Variants in CELSR1 observed in about 807,000 individuals in gnomAD.
CELSR1 encodes the protein cadherin EGF LAG seven-pass G-type receptor 1, also known as adhesion G protein-coupled receptor C1.
Under a neutral mutation model 249.1 loss-of-function variants are expected in CELSR1, and 110 were observed. The ratio of observed to expected loss-of-function variants is 0.44; its 90% CI spans 0.38 to 0.52. The LOEUF is 0.52. Ranked by LOEUF, CELSR1 falls within the 20% of genes least tolerant of loss-of-function variation. The pLI, the probability that CELSR1 is intolerant of heterozygous loss-of-function variation, is 0.00. For synonymous variants in CELSR1, 2,113 were observed against 1,900.0 expected (o/e 1.11, Z -2.92); for missense variants, 4,109 against 4,296.4 (o/e 0.96, Z 1.22).
At position 46,504,504 on chromosome 22, in the gene CELSR1, C is replaced by CAA. The variant is rs11341314; in HGVS notation, c.3544+29121_3544+29122dup. 3.0e-3 allele frequency among the ~76,000 whole-genome samples: 328 copies of CAA among 109,198 alleles called. 3 individuals carry two copies. The highest frequency in any genetic ancestry group is 4.9e-3 in the African/African-American group (137 of 28,074). The allele number at this position is 109,198 out of a possible 152,430, so 71.6% of individuals were successfully genotyped here. A position where few individuals can be genotyped will look rare whatever the true frequency, so the allele number is the denominator to read the frequency against. On this transcript the variant is annotated intron_variant, in intron 1 of 34. Transcript: ENST00000674500. ...ATCCCAGCCTGGCGACATCTGTCTC[C>CAA]AAAAAAAAAAAAAAAACAAAAAAAA... is the stretch of plus-strand genomic sequence containing the variant.
At chr22:46,516,400 T>C (rs1289623477) in intron 1 of CELSR1, among the ~76,000 whole-genome samples, 2 of 151,722 alleles carry the variant, frequency 1.3e-5, no homozygotes, top group African/African-American at 2.4e-5. Flanking sequence ...AGGTGGGAAC[T>C]GAACAATGAG....
At chr22:46,461,054 A>G (rs539694051) in intron 2 of CELSR1, among the ~76,000 whole-genome samples, 1 of 152,288 alleles carries the variant, frequency 6.6e-6, no homozygotes, top group Admixed American at 6.5e-5. Context: ...TCGGCTTACC[A>G]GGGAGCAAGT....
intron 1 of CELSR1, among the ~76,000 whole-genome samples, chr22:46,508,198 C>T (rs2080535046): frequency 6.6e-6 from 1 of 152,012 alleles, no homozygotes; most frequent in Admixed American, 6.5e-5. Context: ...ACTCTCGCCA[C>T]TCTCGCCCTG....
chr22:46,516,752 C>T lies in CELSR1; in HGVS notation c.3544+16875G>A, dbSNP rs111708380. Among the ~76,000 whole-genome samples, 1,047 of 152,252 alleles carry T rather than the reference C, an allele frequency of 6.9e-3. 8 individuals carry two copies. Among genetic ancestry groups the T allele is most frequent in the Non-Finnish European group, 0.013 (851 of 67,998 alleles). On this transcript the variant is annotated intron_variant, in intron 1 of 34. Transcript: ENST00000674500. The stretch of plus-strand genomic sequence containing the variant: ...GCCCAACGGACCACAAAGTCCATTC[C>T]CTCCACTTCTCACCCAGGCACACGA...
rs147425309 is a variant in CELSR1 at position 46,386,451 on chromosome 22, G to A, written c.6690C>T (p.Asn2230=). ...LEGYFSNVAR[N]VRRTYLRPFV... ...AGGGCCGCAGGTACGTCCGCCGCACGTTGCGTGCCACGTTGCTGAAGTAGC... is the reference window on the plus strand; with the variant it reads ...AGGGCCGCAGGTACGTCCGCCGCACATTGCGTGCCACGTTGCTGAAGTAGC... The change falls in exon 19 of 35, where the codon AAC becomes AAT. Residue 2230 remains asparagine (N), a synonymous_variant. Transcript: ENST00000674500. 119 of 1,601,830 alleles carry A rather than the reference G, an allele frequency of 7.4e-5. No homozygotes were observed. Among genetic ancestry groups the A allele is most frequent in the Middle Eastern group, 1.9e-4 (1 of 5,358 alleles).
intron 1 of CELSR1, among the ~76,000 whole-genome samples, chr22:46,513,138 C>T (rs994765545): frequency 2.6e-5 from 4 of 152,126 alleles, no homozygotes; most frequent in Admixed American, 6.6e-5. Flanking sequence ...CAAAATCACG[C>T]GACTGGGGAC....
rs75966955 is a variant in CELSR1, at chr22:46,365,558, G to A, written c.8404+28C>T. The A allele has an allele frequency of 2.5e-3, 3,952 of 1,565,286 alleles. 67 individuals are homozygous for A. In the African/African-American group the frequency reaches 0.041, roughly 16 times the overall value. ...AGGGACGTGGGAAAAACAACCCACG[G>A]GGTCCTCCCCCTCCAGGGAAGCCAT... On this transcript the variant is annotated intron_variant, in intron 31 of 34. Transcript: ENST00000674500.
chr22:46,489,552 C>A (rs2080347713), intron 1 of CELSR1, among the ~76,000 whole-genome samples: 1 of 152,058 alleles, frequency 6.6e-6, no homozygotes, highest in Admixed American at 6.6e-5. Context: ...AGACATGGCC[C>A]ACACTTGGAC....
In CELSR1 at chr22:46,460,778, G is replaced by A. The variant is rs180821291; in HGVS notation, c.4183+2929C>T. On this transcript the variant is annotated intron_variant, in intron 2 of 34. Coordinates refer to ENST00000674500, the MANE Select transcript of CELSR1 (RefSeq NM_001378328.1). ...CAACCACAGTCCCAACGCCGTGAGC[G>A]GGTGGCAGCCCTCCTTTCCCTGCAA... Among the ~76,000 whole-genome samples, 255 of 152,270 alleles carry A rather than the reference G, an allele frequency of 1.7e-3. 1 individual carries two copies. Among genetic ancestry groups the A allele is most frequent in the African/African-American group, 5.7e-3 (238 of 41,550 alleles).
At position 46,410,405 on chromosome 22, in the gene CELSR1, G is replaced by A. The variant is rs1415044015; in HGVS notation, c.4926C>T (p.Thr1642=). The change falls in exon 7 of 35, where the codon ACC becomes ACT. Residue 1642 remains threonine, a synonymous_variant. Transcript: ENST00000674500. The surrounding 1 kb of genome is among the most constrained non-coding windows in gnomAD (Gnocchi z 6.8). ...CCTGACGGCCACCCGTACCTTCCCG[G>A]GTGCCATTGTTGGCGATGAATCCGG... ...DMAGFIANNG[T]REGCAARRNF... The A allele has an allele frequency of 7.4e-6, 12 of 1,613,448 alleles. No homozygotes were observed. In the South Asian group the frequency reaches 1.3e-4, roughly 18 times the overall value.
chr22:46,364,124 C>G lies in CELSR1; in HGVS notation c.8907G>C (p.Leu2969=). ...TGGCGCAGTCGGGGCCGCCAGAGCCCAGGGAAGACGTGCGCGAGGATGTGG... is the reference window on the plus strand; with the variant it reads ...TGGCGCAGTCGGGGCCGCCAGAGCCGAGGGAAGACGTGCGCGAGGATGTGG... The part of the protein sequence containing the change: ...QSPTSSRTSS[L]GSGGPDCAIT... The change falls in exon 34 of 35, where the codon CTG becomes CTC. Residue 2969 remains leucine, a synonymous_variant. Coordinates refer to ENST00000674500, the MANE Select transcript of CELSR1 (RefSeq NM_001378328.1). 6.2e-7 allele frequency: 1 copy of G among 1,612,306 alleles called. No homozygotes were observed. Among genetic ancestry groups the G allele is most frequent in the African/African-American group, 1.3e-5 (1 of 75,004 alleles).
Position 46,464,806 on chromosome 22 carries a change from C to T in CELSR1, c.3545-461G>A, listed in dbSNP as rs754688157. Among the ~76,000 whole-genome samples the T allele has an allele frequency of 8.5e-5, 13 of 152,258 alleles. No homozygotes were observed. The highest frequency in any genetic ancestry group is 1.6e-4 in the Non-Finnish European group (11 of 68,010). ...CAGGGATCCCACCCTGCCCAACCTC[C>T]CAACAGTTCTTCCTGTCCTCGCAGC... On this transcript the variant is annotated intron_variant, in intron 1 of 34. Transcript: ENST00000674500. The surrounding 1 kb of genome is among the most constrained non-coding windows in gnomAD (Gnocchi z 8.5).
rs2080830689 is a variant in CELSR1, at chr22:46,534,666, G to A, written c.2505C>T (p.Phe835=). The A allele has an allele frequency of 1.9e-6, 3 of 1,613,686 alleles. No homozygotes were observed. The highest frequency in any genetic ancestry group is 1.7e-6 in the Non-Finnish European group (2 of 1,180,046). The change falls in exon 1 of 35, where the codon TTC becomes TTT. Residue 835 remains phenylalanine (F), a synonymous_variant. Coordinates refer to ENST00000674500, the MANE Select transcript of CELSR1 (RefSeq NM_001378328.1). This position sits in a 1 kb window ranked among gnomAD's most constrained non-coding sequence, Gnocchi z 9.7. The stretch of plus-strand genomic sequence containing the variant: ...TGGTGCCACTGTCGGGGTCAATGCG[G>A]AACTGCGGCACGGGGTCCTGAATCA... ...TYVIQDPVPQ[F]RIDPDSGTMY... is the part of the protein sequence containing the mutation.
rs999515884 is a variant in CELSR1, at chr22:46,446,608, G to T, written c.4184-7197C>A. On this transcript the variant is annotated intron_variant, in intron 2 of 34. Coordinates refer to ENST00000674500, the MANE Select transcript of CELSR1 (RefSeq NM_001378328.1). This position sits in a 1 kb window ranked among gnomAD's most constrained non-coding sequence, Gnocchi z 5.5. The stretch of plus-strand genomic sequence containing the variant: ...CACCTGGCAGGGAGGGTCGCAGGGG[G>T]TCGGTGGGGGGGAAAGCTGGGTCCA... Among the ~76,000 whole-genome samples, 1 of 151,802 alleles carries T rather than the reference G, an allele frequency of 6.6e-6. No individual in the cohort carries two copies. Among genetic ancestry groups the T allele is most frequent in the African/African-American group, 2.4e-5 (1 of 41,196 alleles).
At chr22:46,386,044 A>G (rs2079030334) in intron 19 of CELSR1, among the ~76,000 whole-genome samples, 1 of 148,848 alleles carries the variant, frequency 6.7e-6, no homozygotes, top group Non-Finnish European at 1.5e-5. Context: ...ATCTCAGCTC[A>G]CTGCAACCTC....
intron 23 of CELSR1, 66 bp downstream of exon 23, chr22:46,378,525 T>C: frequency 6.6e-7 from 1 of 1,507,394 alleles, no homozygotes; most frequent in Non-Finnish European, 8.9e-7. Context: ...GAGGTGCAGG[T>C]TTGGGGGGGA....
chr22:46,369,882 G>A (rs765572642), intron 25 of CELSR1, 78 bp from the exon 26 acceptor site: 14 of 1,170,598 alleles, frequency 1.2e-5, no homozygotes, highest in Admixed American at 1.7e-5. Context: ...CAGCCAGGGT[G>A]GGGTGAAATG....
At position 46,534,833 on chromosome 22, in the gene CELSR1, T is replaced by C. The variant is rs1408188394; in HGVS notation, c.2338A>G (p.Thr780Ala). 1 of 1,612,884 alleles carries C rather than the reference T, an allele frequency of 6.2e-7. No homozygotes were observed. Among genetic ancestry groups the C allele is most frequent in the Non-Finnish European group, 8.5e-7 (1 of 1,179,938 alleles). Reference protein sequence around the residue: ...SHTAHVLINVTDANTHRPVFQ... With the variant: ...SHTAHVLINVADANTHRPVFQ... ...ACAGGCCTGTGGGTGTTGGCATCAG[T>C]GACGTTGATTAGGACATGCGCAGTG... Residue 780 changes from threonine to alanine, a missense_variant, in exon 1 of 35, where the codon ACT becomes GCT. Thr to Ala is a moderately conservative substitution (Grantham distance 58). Around this residue, in one of 7 missense-constraint regions of CELSR1, gnomAD observed 886 missense variants for 896.5 expected, o/e 0.99. Transcript: ENST00000674500. This position sits in a 1 kb window ranked among gnomAD's most constrained non-coding sequence, Gnocchi z 9.7.
rs139887001 is a variant in CELSR1, at chr22:46,493,606, C to A, written c.3545-29261G>T. ...GATATGATTTGGCTGTGTCCCCACC[C>A]AAATCTCATCTTGAATTGTAGCTCC... On this transcript the variant is annotated intron_variant, in intron 1 of 34. Coordinates refer to ENST00000674500, the MANE Select transcript of CELSR1 (RefSeq NM_001378328.1). 4.2e-3 allele frequency among the ~76,000 whole-genome samples: 639 copies of A among 152,052 alleles called. 5 individuals are homozygous for A. Among genetic ancestry groups the A allele is most frequent in the African/African-American group, 0.014 (600 of 41,474 alleles).
Sources: allele counts gnomAD v4.1 joint callset (sites outside exome capture counted in the v4.1 genomes callset), GRCh38; gene constraint gnomAD v4.1.1; regional missense constraint gnomAD v4.1.1; non-coding constraint Gnocchi (gnomAD v3.1); transcripts MANE v1.5; gene names NCBI Gene and HGNC (gene_info 2026-07-23, HGNC 2026-07-21).